Variants in DMD observed in about 807,000 individuals in gnomAD.
The protein encoded by DMD is dystrophin.
In DMD, 63 loss-of-function variants were observed where a neutral mutation model predicts 330.1. The ratio of observed to expected loss-of-function variants is 0.19; its 90% CI spans 0.16 to 0.24. The LOEUF (loss-of-function observed/expected upper bound fraction) is 0.24, where lower values mean the gene tolerates loss of function less well. Ranked by LOEUF, DMD falls within the 10% of genes least tolerant of loss-of-function variation. The probability of loss-of-function intolerance (pLI) is 1.00; values close to 1 mark genes in which losing one functional copy is unlikely to be tolerated. For synonymous variants in DMD, 1,223 were observed against 959.8 expected (o/e 1.27, Z -5.07); for missense variants, 3,344 against 2,684.1 (o/e 1.25, Z -5.43).
At chrX:31,930,918 T>A (rs982752372) in intron 46 of DMD, among the ~76,000 whole-genome samples, 1 of 112,612 alleles carries the variant, frequency 8.9e-6, no homozygotes, top group African/African-American at 3.2e-5. Context: ...CTTTTCTATT[T>A]TTGAATCCCA....
intron 1 of DMD, among the ~76,000 whole-genome samples, chrX:33,239,621 T>G (rs1244453103): frequency 8.9e-6 from 1 of 112,317 alleles, no homozygotes; most frequent in African/African-American, 3.2e-5. Flanking sequence ...TTCAAGCTTA[T>G]TTTTTAAATG....
chrX:31,316,089 C>T (rs763569981), intron 62 of DMD, among the ~76,000 whole-genome samples: 20 of 112,009 alleles, frequency 1.8e-4, no homozygotes, highest in Non-Finnish European at 3.4e-4. Flanking sequence ...TAAGATAGAA[C>T]GGAATCTAGA....
At chrX:33,100,419 C>A (rs553533319) in intron 1 of DMD, among the ~76,000 whole-genome samples, 4 of 111,550 alleles carry the variant, frequency 3.6e-5, no homozygotes, top group African/African-American at 1.3e-4. Flanking sequence ...AAGCCGGGCA[C>A]GGTGGCTCAC....
At chrX:33,142,432 A>G (rs1335221550) in intron 1 of DMD, among the ~76,000 whole-genome samples, 1 of 113,076 alleles carries the variant, frequency 8.8e-6, no homozygotes, top group African/African-American at 3.2e-5. Flanking sequence ...TTTACTTTGA[A>G]TAATCAAAAC....
intron 64 of DMD, among the ~76,000 whole-genome samples, chrX:31,220,218 A>C (rs965266063): frequency 1.3e-4 from 14 of 111,426 alleles, no homozygotes; most frequent in Admixed American, 1.2e-3. Flanking sequence ...CTGTACATAC[A>C]TTTCCATTAA....
chrX:32,930,623 T>C (rs922104978), intron 2 of DMD, among the ~76,000 whole-genome samples: 1 of 110,664 alleles, frequency 9.0e-6, no homozygotes, highest in African/African-American at 3.3e-5. Context: ...TAGCTACCCA[T>C]TGTCCTTCCC....
intron 1 of DMD, among the ~76,000 whole-genome samples, chrX:33,272,676 A>C (rs2053176939): frequency 9.2e-6 from 1 of 109,226 alleles, no homozygotes; most frequent in Non-Finnish European, 1.9e-5. Context: ...AAAAAAAAAA[A>C]AACACACACA....
At chrX:32,869,800 G>A (rs1424601970) in intron 2 of DMD, among the ~76,000 whole-genome samples, 1 of 109,629 alleles carries the variant, frequency 9.1e-6, no homozygotes, top group East Asian at 2.9e-4. Context: ...GATGGAACAT[G>A]TCTCTAAATA....
At chrX:31,430,793 CTTTTTTTTT>C (rs565087970) in intron 60 of DMD, among the ~76,000 whole-genome samples, 46 of 48,333 alleles carry the variant, frequency 9.5e-4, no homozygotes, top group Admixed American at 1.5e-3. Flanking sequence ...AAGTTAAGGT[CTTTTTTTTT>C]TTTTTTTTTT....
intron 63 of DMD, among the ~76,000 whole-genome samples, chrX:31,227,043 T>C (rs1385633518): frequency 3.6e-5 from 4 of 111,531 alleles, no homozygotes; most frequent in Admixed American, 9.6e-5. Flanking sequence ...CTTCTTTTTT[T>C]CCCTTTCTAA....
chrX:32,544,995 G>A (rs2048835986), intron 17 of DMD, among the ~76,000 whole-genome samples, 164 bp downstream of exon 17: 1 of 111,689 alleles, frequency 9.0e-6, no homozygotes, highest in Non-Finnish European at 1.9e-5. Flanking sequence ...GATTTCTTGT[G>A]AAAGTTTTAA....
At chrX:32,163,589 G>A (rs2096857752) in intron 44 of DMD, among the ~76,000 whole-genome samples, 1 of 111,900 alleles carries the variant, frequency 8.9e-6, no homozygotes, top group African/African-American at 3.3e-5. Flanking sequence ...AGGGGTAGTT[G>A]TTATATGACT....
intron 17 of DMD, among the ~76,000 whole-genome samples, chrX:32,522,368 T>C (rs1385996358): frequency 1.8e-5 from 2 of 111,866 alleles, no homozygotes; most frequent in Non-Finnish European, 1.9e-5. Context: ...TCTTTTTTAA[T>C]TGACGCATAA....
chrX:31,376,449 G>C (rs1326533764), intron 60 of DMD, among the ~76,000 whole-genome samples: 4 of 111,378 alleles, frequency 3.6e-5, no homozygotes, highest in Non-Finnish European at 7.5e-5. Flanking sequence ...AAATACAGGA[G>C]AGGGACCCAT....
intron 2 of DMD, among the ~76,000 whole-genome samples, chrX:32,892,157 A>G (rs748211008): frequency 8.9e-6 from 1 of 112,105 alleles, no homozygotes; most frequent in South Asian, 3.7e-4. Flanking sequence ...CATGATCCAC[A>G]TGATCTGGCC....
chrX:33,203,812 C>T (rs758088793), intron 1 of DMD, among the ~76,000 whole-genome samples: 10 of 110,280 alleles, frequency 9.1e-5, no homozygotes, highest in African/African-American at 3.3e-4. Flanking sequence ...ACAATACCCA[C>T]GCGCTACATA....
At chrX:31,859,641 C>CTT (rs1173474179) in intron 48 of DMD, among the ~76,000 whole-genome samples, 2 of 112,052 alleles carry the variant, frequency 1.8e-5, no homozygotes, top group African/African-American at 6.5e-5. Flanking sequence ...CATTTACATA[C>CTT]TTATGGATAT....
intron 59 of DMD, among the ~76,000 whole-genome samples, chrX:31,453,240 C>T (rs1430406430): frequency 1.8e-5 from 2 of 111,277 alleles, no homozygotes; most frequent in Non-Finnish European, 3.8e-5. Flanking sequence ...CAGCTCACTG[C>T]AACCTCCGCC....
chrX:31,897,123 C>T (rs1381222018), intron 47 of DMD, among the ~76,000 whole-genome samples: 13 of 107,426 alleles, frequency 1.2e-4, no homozygotes, highest in Non-Finnish European at 1.9e-4. Flanking sequence ...CTTCCTGTGT[C>T]CATGTGTTCT....
Sources: gnomAD v4.1 joint callset for allele counts (sites outside exome capture counted in the v4.1 genomes callset) on GRCh38, gnomAD v4.1.1 for gene constraint, MANE v1.5 for transcripts, NCBI Gene and HGNC (gene_info 2026-07-23, HGNC 2026-07-21) for gene names.